The following PTPRD variants were observed in gnomAD, a reference collection of about 807,000 sequenced individuals.
PTPRD encodes receptor-type tyrosine-protein phosphatase delta.
Under a neutral mutation model 214.5 loss-of-function variants are expected in PTPRD, and 34 were observed. The observed-to-expected ratio is 0.16, with a 90% CI of 0.12 to 0.21. PTPRD has a LOEUF of 0.21. Ranked by LOEUF, PTPRD falls within the 10% of genes least tolerant of loss-of-function variation. PTPRD has a pLI of 1.00. For synonymous variants in PTPRD, 1,128 were observed against 845.7 expected (o/e 1.33, Z -5.79); for missense variants, 2,545 against 2,398.7 (o/e 1.06, Z -1.27).
At chr9:8,589,962 C>A (rs533194634) in intron 14 of PTPRD, among the ~76,000 whole-genome samples, 3 of 152,090 alleles carry the variant, frequency 2.0e-5, no homozygotes, top group African/African-American at 7.2e-5. Flanking sequence ...AAATTGCTTG[C>A]GTTCACTTGG....
intron 7 of PTPRD, among the ~76,000 whole-genome samples, chr9:9,711,904 A>G (rs4391483): frequency 0.37 from 56,812 of 151,910 alleles, 10,870 homozygotes; most frequent in Admixed American, 0.49. Context: ...CACTACATCT[A>G]ACTATATGAA....
At chr9:8,638,971 T>C (rs533846408) in intron 12 of PTPRD, among the ~76,000 whole-genome samples, 1 of 152,120 alleles carries the variant, frequency 6.6e-6, no homozygotes, top group Non-Finnish European at 1.5e-5. Context: ...GCCTCCCAAA[T>C]AGCTAGGACT....
At chr9:10,004,312 G>A (rs1416675533) in intron 4 of PTPRD, among the ~76,000 whole-genome samples, 1 of 151,628 alleles carries the variant, frequency 6.6e-6, no homozygotes, top group African/African-American at 2.4e-5. Context: ...ATGATAAGAG[G>A]GAATTTGCCA....
intron 5 of PTPRD, among the ~76,000 whole-genome samples, chr9:9,806,901 G>T (rs997340127): frequency 6.6e-6 from 1 of 152,092 alleles, no homozygotes; most frequent in African/African-American, 2.4e-5. Flanking sequence ...CACTGCACTT[G>T]TGGCCCCTCC....
At chr9:10,186,838 C>G (rs950005991) in intron 3 of PTPRD, among the ~76,000 whole-genome samples, 1 of 152,026 alleles carries the variant, frequency 6.6e-6, no homozygotes, top group Non-Finnish European at 1.5e-5. Flanking sequence ...AAAAAAAACT[C>G]TAAGATACTA....
At chr9:10,003,409 TG>T (rs1296564605) in intron 4 of PTPRD, among the ~76,000 whole-genome samples, 1 of 151,722 alleles carries the variant, frequency 6.6e-6, no homozygotes, top group Non-Finnish European at 1.5e-5. Flanking sequence ...AATTTGAAGT[TG>T]GGGGATATTA....
intron 4 of PTPRD, among the ~76,000 whole-genome samples, chr9:10,016,476 A>G (rs2096718960): frequency 1.3e-5 from 2 of 152,164 alleles, no homozygotes; most frequent in South Asian, 4.1e-4. Flanking sequence ...AAATCATCAA[A>G]GAAAGCTAAA....
intron 39 of PTPRD, among the ~76,000 whole-genome samples, chr9:8,360,714 T>A (rs1418862353): frequency 6.6e-6 from 1 of 152,192 alleles, no homozygotes; most frequent in Non-Finnish European, 1.5e-5. Context: ...TAGTTCATCA[T>A]CTCGTTTTAT....
intron 11 of PTPRD, among the ~76,000 whole-genome samples, chr9:8,837,968 T>C (rs919018344): frequency 1.3e-5 from 2 of 152,194 alleles, no homozygotes; most frequent in Non-Finnish European, 2.9e-5. Flanking sequence ...GTAAGCCCCA[T>C]GTTTTGTGAA....
At chr9:10,494,953 T>C (rs2041593949) in intron 2 of PTPRD, among the ~76,000 whole-genome samples, 1 of 151,762 alleles carries the variant, frequency 6.6e-6, no homozygotes, top group African/African-American at 2.4e-5. Context: ...ATTGTTGCCA[T>C]ATCATCACTA....
intron 3 of PTPRD, among the ~76,000 whole-genome samples, chr9:10,103,883 T>C (rs180834714): frequency 1.7e-4 from 26 of 151,738 alleles, no homozygotes; most frequent in Non-Finnish European, 2.4e-4. Context: ...TTCTTCACAA[T>C]AGCCAAGAAG....
At chr9:10,422,360 AG>A (rs1195511622) in intron 2 of PTPRD, among the ~76,000 whole-genome samples, 2 of 152,112 alleles carry the variant, frequency 1.3e-5, no homozygotes, top group Non-Finnish European at 1.5e-5. Context: ...AAAACCATAC[AG>A]GAAAACCTAG....
intron 3 of PTPRD, among the ~76,000 whole-genome samples, chr9:10,177,676 G>A (rs747476938): frequency 3.3e-5 from 5 of 151,794 alleles, no homozygotes; most frequent in Admixed American, 6.6e-5. Context: ...TAGTTTAAAG[G>A]GTAGAATTAG....
At chr9:9,139,162 C>G (rs1048027045) in intron 10 of PTPRD, among the ~76,000 whole-genome samples, 3 of 149,190 alleles carry the variant, frequency 2.0e-5, no homozygotes, top group Non-Finnish European at 4.5e-5. Context: ...ATACCTGGAA[C>G]TGCAGACAAT....
intron 5 of PTPRD, among the ~76,000 whole-genome samples, chr9:9,829,862 C>T (rs537648980): frequency 6.6e-5 from 10 of 151,826 alleles, no homozygotes; most frequent in Admixed American, 1.3e-4. Context: ...CAAGCATTTG[C>T]TACTATTTCT....
At chr9:10,518,348 G>GT (rs559954969) in intron 2 of PTPRD, among the ~76,000 whole-genome samples, 122 of 152,060 alleles carry the variant, frequency 8.0e-4, no homozygotes, top group Non-Finnish European at 1.4e-3. Context: ...TTCACTTATC[G>GT]TATCTATTAA....
intron 14 of PTPRD, among the ~76,000 whole-genome samples, chr9:8,584,090 G>A (rs1266436653): frequency 6.6e-6 from 1 of 152,126 alleles, no homozygotes; most frequent in African/African-American, 2.4e-5. Flanking sequence ...GTAGTTCGAG[G>A]CTGTAGTGAG....
intron 7 of PTPRD, among the ~76,000 whole-genome samples, chr9:9,669,145 G>C (rs1035849278): frequency 1.3e-5 from 2 of 151,906 alleles, no homozygotes; most frequent in East Asian, 1.9e-4. Context: ...TCCCATTACT[G>C]GGTATATACC....
intron 11 of PTPRD, among the ~76,000 whole-genome samples, chr9:8,887,525 A>G (rs546235533): frequency 6.6e-6 from 1 of 152,290 alleles, no homozygotes; most frequent in East Asian, 1.9e-4. Flanking sequence ...CTTCTTACTT[A>G]CTGGCCTGGT....
Sources: allele counts gnomAD v4.1 joint callset (sites outside exome capture counted in the v4.1 genomes callset), GRCh38; gene constraint gnomAD v4.1.1; transcripts MANE v1.5; gene names NCBI Gene and HGNC (gene_info 2026-07-23, HGNC 2026-07-21).